Variants in CNTN4 observed in about 807,000 individuals in gnomAD.
The protein encoded by CNTN4 is contactin-4.
A neutral mutation model predicts 122.5 loss-of-function variants in CNTN4; 77 were observed. That is an observed-to-expected ratio of 0.63 (90% CI 0.52 to 0.76). The LOEUF is 0.76. Ranked by LOEUF, CNTN4 falls within the 30% of genes least tolerant of loss-of-function variation. The pLI, the probability that CNTN4 is intolerant of heterozygous loss-of-function variation, is 0.00. For synonymous variants in CNTN4, 512 were observed against 447.0 expected (o/e 1.15, Z -1.83); for missense variants, 1,256 against 1,259.1 (o/e 1.00, Z 0.04).
At chr3:2,679,593 A>G (rs890541682) in intron 4 of CNTN4, among the ~76,000 whole-genome samples, 9 of 152,118 alleles carry the variant, frequency 5.9e-5, no homozygotes, top group Non-Finnish European at 8.8e-5. Context: ...GGATTTGCCA[A>G]TTTTTGTATG....
intron 3 of CNTN4, among the ~76,000 whole-genome samples, chr3:2,491,886 G>T (rs2076328313): frequency 6.6e-6 from 1 of 152,068 alleles, no homozygotes; most frequent in African/African-American, 2.4e-5. Context: ...TCTTCTCTGT[G>T]ATTATTTGTG....
At chr3:2,951,572 T>C (rs145229207) in intron 13 of CNTN4, among the ~76,000 whole-genome samples, 1 of 152,328 alleles carries the variant, frequency 6.6e-6, no homozygotes, top group Non-Finnish European at 1.5e-5. Flanking sequence ...AGTTCGTGCA[T>C]AATTCGTCTA....
chr3:2,216,731 G>A (rs953965091), intron 2 of CNTN4, among the ~76,000 whole-genome samples: 4 of 152,076 alleles, frequency 2.6e-5, no homozygotes, highest in African/African-American at 9.7e-5. Context: ...CCTAAAAAAA[G>A]GAGTTCCCTT....
At chr3:2,442,897 G>A (rs896460590) in intron 3 of CNTN4, among the ~76,000 whole-genome samples, 5 of 152,106 alleles carry the variant, frequency 3.3e-5, no homozygotes, top group Admixed American at 1.3e-4. Context: ...CTCTGAAGAA[G>A]TATTTCCTAG....
In CNTN4 at chr3:2,668,388, CTGTT is replaced by C. The variant is rs1465673827; in HGVS notation, c.56-67823_56-67820del. Reference sequence around the variant, plus strand: ...GGGAGTTCACTCATGATTTGGCTCTCTGTTTGTCTGTTATTGGTATATAAGAATG... The same window carrying C: ...GGGAGTTCACTCATGATTTGGCTCTCTGTCTGTTATTGGTATATAAGAATG... On this transcript the variant is annotated intron_variant, in intron 4 of 24. Coordinates refer to ENST00000418658, the MANE Select transcript of CNTN4 (RefSeq NM_175607.3). Among the ~76,000 whole-genome samples, 111 of 152,248 alleles carry C rather than the reference CTGTT, an allele frequency of 7.3e-4. 2 individuals carry two copies. The East Asian group carries it at 0.02, about 28-fold the overall frequency.
intron 2 of CNTN4, among the ~76,000 whole-genome samples, chr3:2,281,364 C>T (rs890421849): frequency 2.6e-5 from 4 of 152,214 alleles, no homozygotes; most frequent in African/African-American, 9.6e-5. Flanking sequence ...TGTCTAGTAA[C>T]TCCTAACCAC....
chr3:2,844,534 T>C (rs1487278985), intron 7 of CNTN4, among the ~76,000 whole-genome samples: 2 of 152,184 alleles, frequency 1.3e-5, no homozygotes, highest in African/African-American at 4.8e-5. Flanking sequence ...CTGGTTCATA[T>C]GGACTGGGCA....
intron 2 of CNTN4, among the ~76,000 whole-genome samples, chr3:2,111,283 C>G (rs984879463): frequency 6.6e-6 from 1 of 152,054 alleles, no homozygotes; most frequent in Non-Finnish European, 1.5e-5. Flanking sequence ...TGAAATTCAC[C>G]AGCATATTGT....
intron 3 of CNTN4, among the ~76,000 whole-genome samples, chr3:2,559,492 GCCT>G (rs1382548497): frequency 6.6e-6 from 1 of 151,694 alleles, no homozygotes; most frequent in Non-Finnish European, 1.5e-5. Context: ...TCATATACCT[GCCT>G]CCTCAAGTTA....
At chr3:2,211,660 T>C (rs958561902) in intron 2 of CNTN4, among the ~76,000 whole-genome samples, 1 of 152,222 alleles carries the variant, frequency 6.6e-6, no homozygotes, top group African/African-American at 2.4e-5. Flanking sequence ...ATTCCTCACA[T>C]TGAATTTAAA....
chr3:2,262,862 A>T (rs2040890434), intron 2 of CNTN4, among the ~76,000 whole-genome samples: 1 of 152,162 alleles, frequency 6.6e-6, no homozygotes, highest in Non-Finnish European at 1.5e-5. Context: ...GTAGTGTTCC[A>T]TGATGTCAGG....
chr3:3,041,132 A>T (rs928418006), intron 20 of CNTN4: 1 of 152,254 alleles, frequency 6.6e-6, no homozygotes, highest in Admixed American at 6.5e-5. Flanking sequence ...GATGATGCTC[A>T]GAATGGGACC....
chr3:2,888,671 T>C (rs1302810188), intron 10 of CNTN4, among the ~76,000 whole-genome samples: 1 of 152,050 alleles, frequency 6.6e-6, no homozygotes, highest in Non-Finnish European at 1.5e-5. Context: ...CATATGAATA[T>C]GTATATAAAT....
intron 12 of CNTN4, among the ~76,000 whole-genome samples, chr3:2,921,673 G>T (rs1042015294): frequency 2.6e-5 from 4 of 152,162 alleles, no homozygotes; most frequent in African/African-American, 9.7e-5. Flanking sequence ...GACTGTGATA[G>T]AACTGGCATT....
At chr3:2,313,999 TTAAAC>T (rs1296307197) in intron 2 of CNTN4, among the ~76,000 whole-genome samples, 3 of 152,020 alleles carry the variant, frequency 2.0e-5, no homozygotes, top group Non-Finnish European at 2.9e-5. Flanking sequence ...TCTGAAAACT[TTAAAC>T]TAAAAATACA....
At chr3:2,275,334 G>A (rs528116808) in intron 2 of CNTN4, among the ~76,000 whole-genome samples, 93 of 152,222 alleles carry the variant, frequency 6.1e-4, no homozygotes, top group African/African-American at 2.1e-3. Context: ...GAGAATACGT[G>A]ATTTATGTGC....
Position 2,943,173 on chromosome 3 carries a change from A to G in CNTN4, c.1358+17394A>G, listed in dbSNP as rs1231425053. On this transcript the variant is annotated intron_variant, in intron 13 of 24. Transcript: ENST00000418658. ...AAGTTCCTTGGGAGAATCAGCAAGC[A>G]GGAGAATCATTTAGCTCACAACTGA... 2.0e-5 allele frequency among the ~76,000 whole-genome samples: 3 copies of G among 150,050 alleles called. 1 individual carries two copies. Among genetic ancestry groups the G allele is most frequent in the Middle Eastern group, 6.9e-3 (2 of 288 alleles).
intron 2 of CNTN4, among the ~76,000 whole-genome samples, chr3:2,300,560 CTTTTTTTTTTTTTTTTTTT>C (rs575192976): frequency 3.2e-5 from 2 of 61,998 alleles, no homozygotes; most frequent in African/African-American, 5.8e-5. Context: ...CAGTGACCGT[CTTTTTTTTTTTTTTTTTTT>C]TTTTTTTTTT....
chr3:2,334,880 G>A (rs533042355), intron 2 of CNTN4, among the ~76,000 whole-genome samples: 2 of 152,132 alleles, frequency 1.3e-5, no homozygotes, highest in Non-Finnish European at 2.9e-5. Flanking sequence ...CACTTGGGAA[G>A]GGTTGTTTTT....
Sources: allele counts gnomAD v4.1 joint callset (sites outside exome capture counted in the v4.1 genomes callset), GRCh38; gene constraint gnomAD v4.1.1; transcripts MANE v1.5; gene names NCBI Gene and HGNC (gene_info 2026-07-23, HGNC 2026-07-21).